Variants in ARNT observed in about 807,000 individuals in gnomAD.
ARNT encodes the protein class E basic helix-loop-helix protein 2.
A neutral mutation model predicts 105.0 loss-of-function variants in ARNT; 30 were observed. The observed-to-expected ratio is 0.29, with a 90% CI of 0.21 to 0.39. ARNT has a LOEUF of 0.39. ARNT is among the 10% of genes least tolerant of loss of function. The probability of loss-of-function intolerance (pLI) is 1.00; values close to 1 mark genes in which losing one functional copy is unlikely to be tolerated. For missense variants in ARNT, 748 were observed against 978.7 expected (o/e 0.76, Z 3.15); for synonymous variants, 304 against 344.0 (o/e 0.88, Z 1.29).
At chr1:150,832,105 A>G (rs587761902) in intron 9 of ARNT, among the ~76,000 whole-genome samples, 4 of 152,316 alleles carry the variant, frequency 2.6e-5, no homozygotes, top group African/African-American at 9.6e-5. Context: ...GGAGGAAAGT[A>G]GGTAAAATAG....
chr1:150,817,197 A>G lies in ARNT; in HGVS notation c.1584T>C (p.Val528=). ...CTGGTCCTGTGGTTGTCACAGGCTG[A>G]ACCACCTGTGGAATACAATGATAAA... ...GLASYNHSQV[V]QPVTTTGPEH... is the part of the protein sequence containing the mutation. Residue 528 remains valine, a synonymous_variant, in exon 17 of 22, where the codon GTT becomes GTC. Transcript: ENST00000358595. 6.2e-7 allele frequency: 1 copy of G among 1,614,112 alleles called. No homozygotes were observed. Among genetic ancestry groups the G allele is most frequent in the Admixed American group, 1.7e-5 (1 of 60,004 alleles).
At chr1:150,858,556 G>A (rs1335243226) in intron 1 of ARNT, 96 bp from the exon 2 acceptor site, 2 of 955,528 alleles carry the variant, frequency 2.1e-6, no homozygotes, top group Non-Finnish European at 3.2e-6. Flanking sequence ...TCAAGCTATA[G>A]ACAAAATCTC....
chr1:150,868,098 C>T (rs587717024), intron 1 of ARNT, among the ~76,000 whole-genome samples: 1 of 152,016 alleles, frequency 6.6e-6, no homozygotes, highest in African/African-American at 2.4e-5. Flanking sequence ...AGGCAAGCAG[C>T]TAGAAAGGCA....
At chr1:150,857,362 C>T (rs1664822299) in intron 2 of ARNT, among the ~76,000 whole-genome samples, 1 of 152,110 alleles carries the variant, frequency 6.6e-6, no homozygotes, top group Non-Finnish European at 1.5e-5. Context: ...AAGCTAAACC[C>T]CTAAGGTTCA....
rs1654395342 is a variant in ARNT, at chr1:150,809,727, A to G, written c.*2294T>C. On this transcript the variant is annotated 3_prime_UTR_variant, in exon 22 of 22. Coordinates refer to ENST00000358595, the MANE Select transcript of ARNT (RefSeq NM_001668.4). ...GACTTGAACAGTTTAAATTTCACTC[A>G]TTTTAATCCAGAAAAGGACATACTG... 1 of 203,952 alleles carries G rather than the reference A, an allele frequency of 4.9e-6. No individual in the cohort carries two copies. 12.6% of individuals were successfully genotyped at this position (203,952 alleles called of 1,614,324 possible).
chr1:150,859,942 G>C (rs946535761), intron 1 of ARNT, among the ~76,000 whole-genome samples: 23 of 151,936 alleles, frequency 1.5e-4, no homozygotes, highest in Admixed American at 5.2e-4. Flanking sequence ...GGGAAGTCGA[G>C]GCTGCAGTGA....
Position 150,829,928 on chromosome 1 carries a change from G to A in ARNT, c.1008C>T (p.Cys336=). ...CCTGCAATCTGCCAATGGCCACTAGGCAAAACTTGCTTCCCTGGCCAGCCT... is the reference window on the plus strand; with the variant it reads ...CCTGCAATCTGCCAATGGCCACTAGACAAAACTTGCTTCCCTGGCCAGCCT... The part of the protein sequence containing the change: ...DPEAGQGSKF[C]LVAIGRLQVT... Residue 336 remains cysteine (C), a synonymous_variant, in exon 11 of 22, where the codon TGC becomes TGT. Coordinates refer to ENST00000358595, the MANE Select transcript of ARNT (RefSeq NM_001668.4). 6.2e-7 allele frequency: 1 copy of A among 1,614,156 alleles called. No homozygotes were observed.
intron 14 of ARNT, 54 bp from the exon 15 acceptor site, chr1:150,818,084 G>A (rs1571195115): frequency 1.6e-6 from 2 of 1,230,384 alleles, no homozygotes; most frequent in Middle Eastern, 1.9e-4. Context: ...GAAGGGGGGA[G>A]AGAGAGAGAA....
At chr1:150,816,512 C>A in intron 18 of ARNT, 106 bp from the exon 19 acceptor site, 1 of 1,326,814 alleles carries the variant, frequency 7.5e-7, no homozygotes. Context: ...TGACTTCCTG[C>A]AGGTTAAGGA....
intron 1 of ARNT, among the ~76,000 whole-genome samples, chr1:150,873,069 G>C (rs1038921018): frequency 1.4e-4 from 22 of 152,016 alleles, no homozygotes; most frequent in African/African-American, 4.6e-4. Context: ...CGGATCACAA[G>C]GTCAGGAGAT....
intron 11 of ARNT, chr1:150,829,437 C>T (rs1658917190): frequency 1.6e-6 from 1 of 607,544 alleles, no homozygotes; most frequent in South Asian, 1.9e-5. Flanking sequence ...TACACTTTAC[C>T]AAGTTAGTAA....
intron 19 of ARNT, 149 bp downstream of exon 19, chr1:150,816,110 G>T: frequency 1.0e-6 from 1 of 957,884 alleles, no homozygotes; most frequent in Non-Finnish European, 1.5e-6. Flanking sequence ...TTTTTAATTA[G>T]CTACTCTCAA....
At chr1:150,831,348 C>T (rs961068243) in intron 10 of ARNT, 1 of 152,450 alleles carries the variant, frequency 6.6e-6, no homozygotes, top group Non-Finnish European at 1.5e-5. Context: ...TCTCACATTC[C>T]TTGTTTGACC....
Position 150,811,536 on chromosome 1 carries a change from G to A in ARNT, c.*485C>T. The A allele has an allele frequency of 4.3e-6, 1 of 233,546 alleles. No individual in the cohort carries two copies. Among genetic ancestry groups the A allele is most frequent in the Non-Finnish European group, 8.5e-6 (1 of 118,114 alleles). The allele number at this position is 233,546 out of a possible 1,614,324, so 14.5% of individuals were successfully genotyped here. The stretch of plus-strand genomic sequence containing the variant: ...TTTCTTTCCAGAGGGACTGCTCACA[G>A]GCAGCAAAAAGAGCCTATGCTCAAA... On this transcript the variant is annotated 3_prime_UTR_variant, in exon 22 of 22. Coordinates refer to ENST00000358595, the MANE Select transcript of ARNT (RefSeq NM_001668.4).
chr1:150,815,975 A>G (rs1016985655), intron 19 of ARNT, among the ~76,000 whole-genome samples: 2 of 152,200 alleles, frequency 1.3e-5, no homozygotes, highest in Non-Finnish European at 2.9e-5. Flanking sequence ...ACAAAGAGGA[A>G]ACATCTTAGA....
At chr1:150,854,517 G>T (rs1261605927) in intron 2 of ARNT, among the ~76,000 whole-genome samples, 1 of 151,930 alleles carries the variant, frequency 6.6e-6, no homozygotes, top group African/African-American at 2.4e-5. Flanking sequence ...AGCTGAGATT[G>T]GGCCACTGCA....
intron 14 of ARNT, among the ~76,000 whole-genome samples, chr1:150,819,571 T>C (rs1332690862): frequency 6.6e-6 from 1 of 152,184 alleles, no homozygotes; most frequent in Non-Finnish European, 1.5e-5. Context: ...TGAAATCTTA[T>C]TTGGCAATAA....
chr1:150,817,452 T>C lies in ARNT; in HGVS notation c.1506-19A>G, dbSNP rs376729294. 8.1e-6 allele frequency: 13 copies of C among 1,609,364 alleles called. No individual in the cohort carries two copies. The African/African-American group carries it at 1.1e-4, about 13-fold the overall frequency. ...CTGCTGCCTATATGTCAAAGGCCAGTTGACAAGACAAATAGAAAAAAAAAT... is the reference window on the plus strand; with the variant it reads ...CTGCTGCCTATATGTCAAAGGCCAGCTGACAAGACAAATAGAAAAAAAAAT... On this transcript the variant is annotated intron_variant, in intron 15 of 21. Coordinates refer to ENST00000358595, the MANE Select transcript of ARNT (RefSeq NM_001668.4).
intron 1 of ARNT, among the ~76,000 whole-genome samples, chr1:150,864,322 TG>T (rs1666163037): frequency 6.6e-6 from 1 of 151,894 alleles, no homozygotes; most frequent in Admixed American, 6.6e-5. Context: ...TAACAGCAAC[TG>T]TGAAGAGCTG....
Sources: allele counts gnomAD v4.1 joint callset (sites outside exome capture counted in the v4.1 genomes callset), GRCh38; gene constraint gnomAD v4.1.1; transcripts MANE v1.5; gene names NCBI Gene and HGNC (gene_info 2026-07-23, HGNC 2026-07-21).